Variants in RPRD2 observed in about 807,000 individuals in gnomAD.
The protein encoded by RPRD2 is regulation of nuclear pre-mRNA domain-containing protein 2.
RPRD2 carries 12 observed loss-of-function variants against 104.4 expected under a neutral mutation model. The ratio of observed to expected loss-of-function variants is 0.11; its 90% confidence interval spans 0.07 to 0.19. The LOEUF (loss-of-function observed/expected upper bound fraction) is 0.19. Among genes scored for constraint, RPRD2 ranks in the 10% least tolerant of loss-of-function variants. RPRD2 has a pLI of 1.00. For missense variants in RPRD2, 1,543 were observed against 1,790.1 expected (o/e 0.86, Z 2.49); for synonymous variants, 714 against 684.9 (o/e 1.04, Z -0.66).
At chr1:150,408,933 C>G (rs1006047863) in intron 1 of RPRD2, 1 of 152,170 alleles carries the variant, frequency 6.6e-6, no homozygotes, top group Admixed American at 6.6e-5. Context: ...TTTGGACTCT[C>G]GTGCTGATGC....
chr1:150,401,397 A>G (rs1169548028), intron 1 of RPRD2, among the ~76,000 whole-genome samples: 1 of 151,668 alleles, frequency 6.6e-6, no homozygotes, highest in Non-Finnish European at 1.5e-5. Flanking sequence ...CCAAGGCAGA[A>G]GAATTGCTTG....
At chr1:150,427,454 C>G (rs1253684710) in intron 2 of RPRD2, among the ~76,000 whole-genome samples, 3 of 147,816 alleles carry the variant, frequency 2.0e-5, no homozygotes, top group Non-Finnish European at 4.5e-5. Context: ...GCCTGGGCAA[C>G]AGAGCGAGAC....
intron 1 of RPRD2, among the ~76,000 whole-genome samples, chr1:150,376,410 A>AT (rs1354310979): frequency 1.3e-5 from 2 of 152,008 alleles, no homozygotes; most frequent in African/African-American, 4.8e-5. Flanking sequence ...ATAACTTAAC[A>AT]TTTTTTGTTT....
At chr1:150,389,389 T>C (rs1661888013) in intron 1 of RPRD2, among the ~76,000 whole-genome samples, 1 of 152,198 alleles carries the variant, frequency 6.6e-6, no homozygotes, top group African/African-American at 2.4e-5. Flanking sequence ...AGATATTTTG[T>C]AGAATGTCCC....
In RPRD2 at chr1:150,444,364, C is replaced by G. The variant is rs1666616147; in HGVS notation, c.681C>G (p.Leu227=). 1 of 1,612,898 alleles carries G rather than the reference C, an allele frequency of 6.2e-7. No individual in the cohort carries two copies. The highest frequency in any genetic ancestry group is 8.5e-7 in the Non-Finnish European group (1 of 1,179,566). The change falls in exon 6 of 11, where the codon CTC becomes CTG. Residue 227 remains leucine, a synonymous_variant. Transcript: ENST00000369068. ...MRVDVCSTET[L]KCLKDKTGGK... Reference sequence around the variant, plus strand: ...TGGATGTGTGCAGCACAGAAACTCTCAAATGCTTAAAAGGTAATGCTTACA... The same window carrying G: ...TGGATGTGTGCAGCACAGAAACTCTGAAATGCTTAAAAGGTAATGCTTACA...
At chr1:150,448,050 C>A (rs1666910939) in intron 7 of RPRD2, among the ~76,000 whole-genome samples, 1 of 152,098 alleles carries the variant, frequency 6.6e-6, no homozygotes, top group African/African-American at 2.4e-5. Context: ...ATTTTTTGAC[C>A]ATTAACACTA....
intron 1 of RPRD2, among the ~76,000 whole-genome samples, chr1:150,378,116 T>C (rs1027833875): frequency 6.6e-6 from 1 of 152,200 alleles, no homozygotes; most frequent in Non-Finnish European, 1.5e-5. Context: ...AATAATCTTA[T>C]ATTTCCAGTC....
At chr1:150,392,470 A>C (rs1662162430) in intron 1 of RPRD2, among the ~76,000 whole-genome samples, 1 of 152,230 alleles carries the variant, frequency 6.6e-6, no homozygotes, top group Non-Finnish European at 1.5e-5. Context: ...GCGCCACTGC[A>C]CTACAGCCTA....
At chr1:150,401,958 ATTT>A (rs58949257) in intron 1 of RPRD2, among the ~76,000 whole-genome samples, 6 of 135,342 alleles carry the variant, frequency 4.4e-5, no homozygotes, top group African/African-American at 1.1e-4. Context: ...TTTTTTTTTA[ATTT>A]TTTTTTTTTT....
At chr1:150,383,358 G>A (rs1294440816) in intron 1 of RPRD2, among the ~76,000 whole-genome samples, 1 of 142,490 alleles carries the variant, frequency 7.0e-6, no homozygotes, top group Non-Finnish European at 1.5e-5. Context: ...TGCCTAGGCT[G>A]GAGTGCAGTG....
chr1:150,389,900 C>T (rs1488643512), intron 1 of RPRD2, among the ~76,000 whole-genome samples: 1 of 152,196 alleles, frequency 6.6e-6, no homozygotes, highest in Non-Finnish European at 1.5e-5. Flanking sequence ...CAAACGCTCA[C>T]ATCAGCACTA....
chr1:150,470,796 G>T lies in RPRD2; in HGVS notation c.1848G>T (p.Gly616=), dbSNP rs1022328276. ...ASKASIGQSP[G]LPSTTFKLPS... is the part of the protein sequence containing the mutation. ...AGGCCTCAATTGGGCAAAGCCCAGGGCTCCCAAGCACTACTTTTAAACTAC... is the reference window on the plus strand; with the variant it reads ...AGGCCTCAATTGGGCAAAGCCCAGGTCTCCCAAGCACTACTTTTAAACTAC... The change falls in exon 11 of 11, where the codon GGG becomes GGT. Residue 616 remains glycine (G), a synonymous_variant. Transcript: ENST00000369068. 16 of 1,613,976 alleles carry T rather than the reference G, an allele frequency of 9.9e-6. No individual in the cohort carries two copies. The highest frequency in any genetic ancestry group is 1.4e-5 in the Non-Finnish European group (16 of 1,179,906).
At chr1:150,400,315 G>T (rs1553885066) in intron 1 of RPRD2, among the ~76,000 whole-genome samples, 1 of 152,148 alleles carries the variant, frequency 6.6e-6, no homozygotes. Flanking sequence ...CATAGAGATG[G>T]TTTAGTTTCT....
chr1:150,370,788 C>T (rs1209534232), intron 1 of RPRD2, among the ~76,000 whole-genome samples: 1 of 151,980 alleles, frequency 6.6e-6, no homozygotes, highest in Non-Finnish European at 1.5e-5. Context: ...GTTTGCCAGT[C>T]TGGTCTCAAC....
Position 150,471,860 on chromosome 1 carries a change from A to C in RPRD2, c.2912A>C (p.His971Pro). The C allele has an allele frequency of 6.2e-7, 1 of 1,613,858 alleles. No individual in the cohort carries two copies. Among genetic ancestry groups the C allele is most frequent in the South Asian group, 1.1e-5 (1 of 91,072 alleles). ...CCAGACTCTCCTCACCCAGTCCCAC[A>C]TCGTTCCCTTTTCTCTCCGCAGAAC... ...QYPDSPHPVP[H>P]RSLFSPQNTL... is the part of the protein sequence containing the mutation. Residue 971 changes from histidine (H) to proline (P), a missense_variant, in exon 11 of 11, where the codon CAT becomes CCT. This residue lies in a region of RPRD2 where 880 missense variants were observed against 885.6 expected (regional missense o/e 0.99). Transcript: ENST00000369068. The surrounding 1 kb of genome is among the most constrained non-coding windows in gnomAD (Gnocchi z 5.3).
chr1:150,424,762 A>G (rs1665002240), intron 2 of RPRD2, among the ~76,000 whole-genome samples: 1 of 151,998 alleles, frequency 6.6e-6, no homozygotes. Context: ...TCTAACTTAC[A>G]ATTTTTTATT....
chr1:150,459,269 G>A (rs1667757538), intron 8 of RPRD2, among the ~76,000 whole-genome samples: 1 of 152,186 alleles, frequency 6.6e-6, no homozygotes, highest in Non-Finnish European at 1.5e-5. Context: ...CAAGGTGATT[G>A]AGAGTTAAAA....
chr1:150,457,646 A>C, intron 8 of RPRD2, 76 bp downstream of exon 8: 2 of 1,193,210 alleles, frequency 1.7e-6, no homozygotes, highest in Non-Finnish European at 2.4e-6. Flanking sequence ...CATCACAGGC[A>C]GGTATTGAAA....
At chr1:150,433,338 CAG>C (rs1665733164) in intron 2 of RPRD2, among the ~76,000 whole-genome samples, 2 of 148,880 alleles carry the variant, frequency 1.3e-5, no homozygotes, top group Non-Finnish European at 3.0e-5. Flanking sequence ...GAAACAAAAA[CAG>C]AAATTTACCA....
Sources: gnomAD v4.1 joint callset for allele counts (sites outside exome capture counted in the v4.1 genomes callset) on GRCh38, gnomAD v4.1.1 for gene constraint, gnomAD v4.1.1 regional missense constraint, Gnocchi (gnomAD v3.1) non-coding constraint, MANE v1.5 for transcripts, NCBI Gene and HGNC (gene_info 2026-07-23, HGNC 2026-07-21) for gene names.